The following ALMS1 variants were observed in gnomAD, a reference collection of about 807,000 sequenced individuals.
The protein encoded by ALMS1 is ALMS1 centrosome and basal body associated protein.
Under a neutral mutation model 352.2 loss-of-function variants are expected in ALMS1, and 271 were observed. That is an observed-to-expected ratio of 0.77 (90% CI 0.70 to 0.85). The LOEUF (loss-of-function observed/expected upper bound fraction) is 0.85. Among genes scored for constraint, ALMS1 ranks in the 40% least tolerant of loss-of-function variants. The pLI, the probability that ALMS1 is intolerant of heterozygous loss-of-function variation, is 0.00. For synonymous variants in ALMS1, 1,865 were observed against 1,761.2 expected (o/e 1.06, Z -1.48); for missense variants, 5,445 against 4,870.7 (o/e 1.12, Z -3.51).
chr2:73,411,078 C>G (rs1018593086), intron 2 of ALMS1, among the ~76,000 whole-genome samples: 10 of 151,960 alleles, frequency 6.6e-5, no homozygotes, highest in Non-Finnish European at 1.5e-5. Flanking sequence ...ATCCCCAATA[C>G]CTCAGAATGT....
chr2:73,468,323 C>G (rs1672399843), intron 9 of ALMS1, among the ~76,000 whole-genome samples: 1 of 151,946 alleles, frequency 6.6e-6, no homozygotes, highest in Admixed American at 6.6e-5. Flanking sequence ...CTATATCCAC[C>G]TAGCACAAAC....
At chr2:73,443,508 C>G (rs1368064820) in intron 7 of ALMS1, among the ~76,000 whole-genome samples, 1 of 152,136 alleles carries the variant, frequency 6.6e-6, no homozygotes, top group Non-Finnish European at 1.5e-5. Flanking sequence ...CCAGATACTC[C>G]TTACATATGT....
At chr2:73,510,465 A>C (rs1673425083) in intron 10 of ALMS1, among the ~76,000 whole-genome samples, 1 of 152,192 alleles carries the variant, frequency 6.6e-6, no homozygotes, top group Non-Finnish European at 1.5e-5. Context: ...TCTAACAGTC[A>C]GGCCCCTCTG....
chr2:73,439,359 A>G (rs1470470922), intron 7 of ALMS1, among the ~76,000 whole-genome samples: 2 of 151,548 alleles, frequency 1.3e-5, no homozygotes, highest in African/African-American at 4.9e-5. Context: ...TCAAAGCCTG[A>G]TCCTCCCATC....
At chr2:73,533,248 G>T (rs183222533) in intron 11 of ALMS1, among the ~76,000 whole-genome samples, 2 of 152,192 alleles carry the variant, frequency 1.3e-5, no homozygotes, top group African/African-American at 4.8e-5. Flanking sequence ...GGTTGCATAC[G>T]CCCAAGTCAG....
intron 21 of ALMS1, among the ~76,000 whole-genome samples, chr2:73,604,908 C>A (rs1675780938): frequency 6.6e-6 from 1 of 152,176 alleles, no homozygotes. Context: ...GCATTGTATC[C>A]TGCACAGCCT....
intron 8 of ALMS1, 144 bp downstream of exon 8, chr2:73,454,211 A>G: frequency 7.1e-6 from 10 of 1,414,210 alleles, no homozygotes; most frequent in East Asian, 2.5e-5. Context: ...GGAGTTCTAA[A>G]TGTATTTTCC....
At chr2:73,543,186 G>C (rs1228539352) in intron 12 of ALMS1, among the ~76,000 whole-genome samples, 2 of 152,150 alleles carry the variant, frequency 1.3e-5, no homozygotes, top group African/African-American at 2.4e-5. Flanking sequence ...CAACGGAACA[G>C]AACAGAGCCC....
chr2:73,568,754 A>G (rs903980845), intron 15 of ALMS1, among the ~76,000 whole-genome samples: 1 of 152,174 alleles, frequency 6.6e-6, no homozygotes, highest in Non-Finnish European at 1.5e-5. Context: ...TATGAAAGAA[A>G]TATTTAAAAA....
intron 9 of ALMS1, among the ~76,000 whole-genome samples, chr2:73,479,777 T>G (rs547834877): frequency 2.4e-4 from 37 of 152,294 alleles, no homozygotes; most frequent in African/African-American, 8.7e-4. Context: ...GCATGTTTAG[T>G]TTTTTGAAAG....
intron 16 of ALMS1, among the ~76,000 whole-genome samples, chr2:73,584,927 C>A (rs1219514794): frequency 3.3e-5 from 5 of 152,162 alleles, no homozygotes; most frequent in African/African-American, 1.2e-4. Flanking sequence ...GAATGGTCTC[C>A]AACTCCACAT....
rs1671347836 is a variant in ALMS1, at chr2:73,424,800, A to G, written c.1135A>G (p.Asn379Asp). ...AACTTCATTTGACATAACTGATGAAAACATAGCTACTAAAAGAAGTGACCA... is the reference window on the plus strand; with the variant it reads ...AACTTCATTTGACATAACTGATGAAGACATAGCTACTAAAAGAAGTGACCA... The part of the protein sequence containing the change: ...VATSFDITDE[N>D]IATKRSDHFD... Residue 379 changes from asparagine to aspartate, a missense_variant, in exon 5 of 23, where the codon AAC (asparagine) becomes GAC (aspartate). Transcript: ENST00000613296. 6.2e-7 allele frequency: 1 copy of G among 1,612,050 alleles called. No individual in the cohort carries two copies. The highest frequency in any genetic ancestry group is 8.5e-7 in the Non-Finnish European group (1 of 1,178,516).
At chr2:73,398,708 GTAT>G (rs748147078) in intron 1 of ALMS1, among the ~76,000 whole-genome samples, 1 of 152,048 alleles carries the variant, frequency 6.6e-6, no homozygotes, top group Non-Finnish European at 1.5e-5. Context: ...AATGTAAATG[GTAT>G]TATTGTACTT....
At chr2:73,564,088 G>T (rs1464239584) in intron 15 of ALMS1, among the ~76,000 whole-genome samples, 2 of 150,654 alleles carry the variant, frequency 1.3e-5, no homozygotes, top group Non-Finnish European at 3.0e-5. Context: ...AAGCCTATAT[G>T]GGTTAAACTT....
intron 1 of ALMS1, among the ~76,000 whole-genome samples, chr2:73,402,291 T>TA (rs1558631193): frequency 1.4e-5 from 2 of 145,186 alleles, no homozygotes; most frequent in African/African-American, 2.7e-5. Flanking sequence ...TTTTTTTTTT[T>TA]AAGACAGAAT....
chr2:73,441,541 C>T (rs760187354), intron 7 of ALMS1, among the ~76,000 whole-genome samples: 3 of 152,104 alleles, frequency 2.0e-5, no homozygotes, highest in Admixed American at 6.5e-5. Context: ...GTTTCTTGGT[C>T]CATGGCCCAC....
intron 1 of ALMS1, among the ~76,000 whole-genome samples, chr2:73,395,903 G>A (rs1670750655): frequency 6.6e-6 from 1 of 151,892 alleles, no homozygotes; most frequent in Non-Finnish European, 1.5e-5. Context: ...GGCTTCTCTG[G>A]GCTACATTGG....
rs1572904645 is a variant in ALMS1 at position 73,408,747 on chromosome 2, G to C, written c.450G>C (p.Gln150His). 6.2e-7 allele frequency: 1 copy of C among 1,609,700 alleles called. No individual in the cohort carries two copies. ...TTAQRGSGDD[Q>H]KTESWHCLPQ... is the part of the protein sequence containing the mutation. ...CTCAGCGGGGTTCTGGGGATGATCAGGTATGTCTTCTGTAACTGGCTAACT... is the reference window on the plus strand; with the variant it reads ...CTCAGCGGGGTTCTGGGGATGATCACGTATGTCTTCTGTAACTGGCTAACT... The change falls in exon 2 of 23, where the codon CAG becomes CAC. Residue 150 changes from glutamine (Q) to histidine (H), a missense_variant and splice_region_variant. Transcript: ENST00000613296.
chr2:73,452,505 A>C lies in ALMS1; in HGVS notation c.5978A>C (p.Lys1993Thr), dbSNP rs770195939. The C allele has an allele frequency of 6.2e-7, 1 of 1,614,066 alleles. No individual in the cohort carries two copies. Among genetic ancestry groups the C allele is most frequent in the South Asian group, 1.1e-5 (1 of 91,076 alleles). The change falls in exon 8 of 23, where the codon AAA (lysine) becomes ACA (threonine). Residue 1993 changes from lysine (K) to threonine (T), a missense_variant. By Grantham distance (78) the Lys-to-Thr change is moderately conservative (BLOSUM62 -1). Coordinates refer to ENST00000613296, the MANE Select transcript of ALMS1 (RefSeq NM_001378454.1). ...TCTAGTTCCTACTCACATTCACATA[A>C]AGAGAAACTCAAGATTTCAACTGTG... ...GLSSSYSHSH[K>T]EKLKISTVHI...
Sources: allele counts gnomAD v4.1 joint callset (sites outside exome capture counted in the v4.1 genomes callset), GRCh38; gene constraint gnomAD v4.1.1; transcripts MANE v1.5; gene names NCBI Gene and HGNC (gene_info 2026-07-23, HGNC 2026-07-21).